Variants in TACC2 observed in about 807,000 individuals in gnomAD.
TACC2 encodes the protein transforming acidic coiled-coil containing protein 2.
TACC2 carries 137 observed loss-of-function variants against 227.3 expected under a neutral mutation model. That is an observed-to-expected ratio of 0.60 (90% CI 0.52 to 0.69). TACC2 has a LOEUF of 0.69. Ranked by LOEUF, TACC2 falls within the 30% of genes least tolerant of loss-of-function variation. The pLI, the probability that TACC2 is intolerant of heterozygous loss-of-function variation, is 0.00. For synonymous variants in TACC2, 1,523 were observed against 1,487.5 expected (o/e 1.02, Z -0.55); for missense variants, 3,470 against 3,694.4 (o/e 0.94, Z 1.57).
chr10:122,117,887 T>A (rs1565348415), intron 5 of TACC2, among the ~76,000 whole-genome samples: 1 of 152,206 alleles, frequency 6.6e-6, no homozygotes, highest in African/African-American at 2.4e-5. Context: ...GGATCTTTTT[T>A]CTTCCTCCTT....
chr10:122,005,788 G>A (rs182452075), intron 1 of TACC2, among the ~76,000 whole-genome samples: 99 of 151,352 alleles, frequency 6.5e-4, no homozygotes, highest in African/African-American at 2.2e-3. Context: ...CCACTCCCCG[G>A]GTTCAAGCAA....
Position 122,153,157 on chromosome 10 carries a change from G to A in TACC2, c.5834+9451G>A, listed in dbSNP as rs533924399. 1.6e-4 allele frequency among the ~76,000 whole-genome samples: 24 copies of A among 151,936 alleles called. 1 individual carries two copies. The highest frequency in any genetic ancestry group is 4.8e-4 in the African/African-American group (20 of 41,390). On this transcript the variant is annotated intron_variant, in intron 7 of 22. Transcript: ENST00000369005. ...ATTACAGGCATAGGTCACCACGCCC[G>A]GCTAAGTTTTGTATTTTTAGTAAAG...
intron 7 of TACC2, among the ~76,000 whole-genome samples, chr10:122,157,978 T>G (rs1321736390): frequency 1.3e-5 from 2 of 152,160 alleles, no homozygotes; most frequent in East Asian, 3.8e-4. Flanking sequence ...TAACAACTTT[T>G]GTATAGCCCT....
At chr10:122,008,264 A>ATTATTATTTTT in intron 1 of TACC2, among the ~76,000 whole-genome samples, 18 of 134,654 alleles carry the variant, frequency 1.3e-4, no homozygotes, top group South Asian at 2.4e-4. Context: ...TATTATTATT[A>ATTATTATTTTT]TTTTTTTTTT....
intron 1 of TACC2, among the ~76,000 whole-genome samples, chr10:122,006,162 A>G (rs139462434): frequency 2.0e-5 from 3 of 152,010 alleles, no homozygotes; most frequent in African/African-American, 7.3e-5. Flanking sequence ...AAAAAATAGG[A>G]TGCTGGCCAG....
intron 1 of TACC2, among the ~76,000 whole-genome samples, chr10:121,997,318 GC>G (rs1223466737): frequency 3.0e-4 from 45 of 152,078 alleles, no homozygotes; most frequent in Non-Finnish European, 2.2e-4. Flanking sequence ...GATCTCCTCT[GC>G]TGGGATCTTA....
rs2080167153 is a variant in TACC2, at chr10:122,087,064, C to T, written c.4564C>T (p.Pro1522Ser). The T allele has an allele frequency of 3.1e-6, 5 of 1,612,948 alleles. No homozygotes were observed. The highest frequency in any genetic ancestry group is 4.2e-6 in the Non-Finnish European group (5 of 1,179,580). Residue 1522 changes from proline (P) to serine (S), a missense_variant, in exon 4 of 23, where the codon CCA (proline) becomes TCA (serine). Around this residue, in one of 10 missense-constraint regions of TACC2, gnomAD observed 1,924 missense variants for 1,978.3 expected, o/e 0.97. Transcript: ENST00000369005. Reference sequence around the variant, plus strand: ...TGTGGGGAAGGAGATGGCAGGTGTCCCACCCACACTGAGGGAAGACGAGAG... The same window carrying T: ...TGTGGGGAAGGAGATGGCAGGTGTCTCACCCACACTGAGGGAAGACGAGAG... ...AGVGKEMAGV[P>S]PTLREDERPE...
intron 8 of TACC2, among the ~76,000 whole-genome samples, chr10:122,195,401 G>A (rs1565573307): frequency 6.6e-6 from 1 of 152,196 alleles, no homozygotes; most frequent in Non-Finnish European, 1.5e-5. Context: ...GGGGCCTCTG[G>A]GGAGATTGGG....
At chr10:122,049,729 GT>G (rs77231517) in intron 2 of TACC2, among the ~76,000 whole-genome samples, 62 of 143,376 alleles carry the variant, frequency 4.3e-4, no homozygotes, top group Middle Eastern at 3.6e-3. Context: ...ATGAGGTTCT[GT>G]TTTTTTTTTT....
chr10:122,249,743 T>C, intron 22 of TACC2, 79 bp downstream of exon 22: 1 of 1,498,518 alleles, frequency 6.7e-7, no homozygotes, highest in Admixed American at 2.1e-5. Context: ...CTAGACAGGC[T>C]GGGCTTCCCT....
chr10:122,081,527 C>CAA (rs374512156), intron 3 of TACC2, among the ~76,000 whole-genome samples: 2,094 of 109,208 alleles, frequency 0.019, 44 homozygotes, highest in Middle Eastern at 0.038. Context: ...GACTCCGTCT[C>CAA]AAAAAAAAAA....
intron 5 of TACC2, among the ~76,000 whole-genome samples, chr10:122,089,737 T>A (rs2080523986): frequency 6.6e-6 from 1 of 151,810 alleles, no homozygotes; most frequent in African/African-American, 2.4e-5. Context: ...CTGCAGGCAT[T>A]TTATAAATGA....
At chr10:122,063,718 T>C (rs2077083995) in intron 3 of TACC2, among the ~76,000 whole-genome samples, 2 of 152,050 alleles carry the variant, frequency 1.3e-5, no homozygotes, top group African/African-American at 4.8e-5. Flanking sequence ...TTTTTTCTAG[T>C]TCTTTTCTTT....
chr10:122,110,351 G>C (rs2083445048), intron 5 of TACC2, among the ~76,000 whole-genome samples: 1 of 152,192 alleles, frequency 6.6e-6, no homozygotes, highest in South Asian at 2.1e-4. Flanking sequence ...GGATGGCAGT[G>C]CACATTTACT....
chr10:122,101,125 GT>G (rs1434985864), intron 5 of TACC2, among the ~76,000 whole-genome samples: 1 of 152,230 alleles, frequency 6.6e-6, no homozygotes, highest in Non-Finnish European at 1.5e-5. Flanking sequence ...GAGATTGGGT[GT>G]TTTGAGCTGG....
At chr10:122,015,106 TA>T (rs10590944) in intron 1 of TACC2, among the ~76,000 whole-genome samples, 55,693 of 147,010 alleles carry the variant, frequency 0.38, 10,511 homozygotes, top group Admixed American at 0.44. Flanking sequence ...TCATCTGCTA[TA>T]AAAAAAAAAA....
chr10:122,106,883 CT>C (rs1474843974), intron 5 of TACC2, among the ~76,000 whole-genome samples: 1 of 152,256 alleles, frequency 6.6e-6, no homozygotes, highest in Non-Finnish European at 1.5e-5. Context: ...ATTTTCCTCT[CT>C]ACCCACATTC....
In TACC2 at chr10:122,150,520, C is replaced by T. The variant is rs1396219997; in HGVS notation, c.5834+6814C>T. ...GGCTGCGTTCCTTCCAAGCCAAATG[C>T]GTGCTCTCCAGCCCTCAGACCCAGT... On this transcript the variant is annotated intron_variant, in intron 7 of 22. Transcript: ENST00000369005. This position sits in a 1 kb window ranked among gnomAD's most constrained non-coding sequence, Gnocchi z 4.0. 1.3e-5 allele frequency among the ~76,000 whole-genome samples: 2 copies of T among 152,148 alleles called. No homozygotes were observed. The highest frequency in any genetic ancestry group is 4.8e-5 in the African/African-American group (2 of 41,432).
At chr10:121,998,184 C>T (rs543195954) in intron 1 of TACC2, among the ~76,000 whole-genome samples, 110 of 151,884 alleles carry the variant, frequency 7.2e-4, no homozygotes, top group African/African-American at 2.1e-3. Flanking sequence ...TGGTGGCAGG[C>T]GCCTGTAGTC....
Sources: gnomAD v4.1 joint callset for allele counts (sites outside exome capture counted in the v4.1 genomes callset) on GRCh38, gnomAD v4.1.1 for gene constraint, gnomAD v4.1.1 regional missense constraint, Gnocchi (gnomAD v3.1) non-coding constraint, MANE v1.5 for transcripts, NCBI Gene and HGNC (gene_info 2026-07-23, HGNC 2026-07-21) for gene names.